TENM2: variants seen among roughly 807,000 people sequenced by gnomAD.
The protein encoded by TENM2 is teneurin transmembrane protein 2.
A neutral mutation model predicts 245.2 loss-of-function variants in TENM2; 52 were observed. The ratio of observed to expected loss-of-function variants is 0.21; its 90% CI spans 0.17 to 0.27. The LOEUF (loss-of-function observed/expected upper bound fraction) is 0.27, where lower values mean the gene tolerates loss of function less well. Among genes scored for constraint, TENM2 ranks in the 10% least tolerant of loss-of-function variants. The pLI is 1.00. For synonymous variants in TENM2, 1,363 were observed against 1,438.9 expected (o/e 0.95, Z 1.19); for missense variants, 3,046 against 3,666.8 (o/e 0.83, Z 4.37).
At chr5:167,552,919 TAATGAATGAATG>T (rs10657967) in intron 2 of TENM2, among the ~76,000 whole-genome samples, 2 of 150,564 alleles carry the variant, frequency 1.3e-5, no homozygotes, top group African/African-American at 4.9e-5. Flanking sequence ...GGTAAGTTAA[TAATGAATGAATG>T]AATGAATGAA....
chr5:168,216,980 C>CT, intron 22 of TENM2, 58 bp downstream of exon 24: 6 of 1,581,444 alleles, frequency 3.8e-6, no homozygotes, highest in Non-Finnish European at 5.2e-6. Context: ...GCCTGAGGTT[C>CT]TTACCTGTTT....
intron 7 of TENM2, among the ~76,000 whole-genome samples, chr5:168,065,853 G>T (rs1363555850): frequency 1.5e-5 from 2 of 132,024 alleles, no homozygotes; most frequent in East Asian, 3.9e-4. Flanking sequence ...AAAGAACAAA[G>T]GTTTTTTTTT....
intron 27 of TENM2, among the ~76,000 whole-genome samples, chr5:168,249,123 CAAAA>C (rs566693885): frequency 4.3e-5 from 5 of 116,556 alleles, no homozygotes; most frequent in Admixed American, 8.7e-5. Context: ...GACCCTGTCT[CAAAA>C]AAAAAAAAAA....
chr5:167,747,790 C>A (rs182390184), intron 2 of TENM2, among the ~76,000 whole-genome samples: 1 of 152,224 alleles, frequency 6.6e-6, no homozygotes, highest in Non-Finnish European at 1.5e-5. Context: ...AACAGGTAAT[C>A]TTATTTCTGA....
intron 5 of TENM2, among the ~76,000 whole-genome samples, chr5:168,018,667 T>A (rs1247335436): frequency 1.3e-5 from 2 of 152,172 alleles, no homozygotes; most frequent in Non-Finnish European, 2.9e-5. Flanking sequence ...TGGAAACTGA[T>A]GACTTTTTAG....
intron 10 of TENM2, among the ~76,000 whole-genome samples, chr5:168,122,868 T>C (rs997844434): frequency 6.6e-6 from 1 of 152,208 alleles, no homozygotes; most frequent in Non-Finnish European, 1.5e-5. Flanking sequence ...GGGCTGCCCT[T>C]TGGAAACTTC....
chr5:167,321,802 G>GTT (rs1756752998), intron 1 of TENM2, among the ~76,000 whole-genome samples: 1 of 3,316 alleles, frequency 3.0e-4, no homozygotes, highest in Non-Finnish European at 7.3e-4. Flanking sequence ...TTTTTTTTTT[G>GTT]GGGGGGGGGG....
chr5:167,942,983 G>C (rs1222272283), intron 3 of TENM2, among the ~76,000 whole-genome samples: 1 of 152,114 alleles, frequency 6.6e-6, no homozygotes, highest in Non-Finnish European at 1.5e-5. Flanking sequence ...GCAAAAAGGG[G>C]GTTCTGAAAA....
chr5:167,537,169 T>A (rs1771904340), intron 2 of TENM2, among the ~76,000 whole-genome samples: 1 of 145,254 alleles, frequency 6.9e-6, no homozygotes, highest in Non-Finnish European at 1.5e-5. Context: ...CATAGCACTT[T>A]GGGAGGCCGA....
At chr5:167,832,444 A>T (rs1279120471) in intron 2 of TENM2, among the ~76,000 whole-genome samples, 1 of 152,238 alleles carries the variant, frequency 6.6e-6, no homozygotes, top group Non-Finnish European at 1.5e-5. Flanking sequence ...TCCAGTTACA[A>T]GGAGTGTTCA....
the TENM2 span, among the ~76,000 whole-genome samples, chr5:167,005,953 C>A: frequency 1.3e-5 from 2 of 152,110 alleles, no homozygotes; most frequent in South Asian, 4.2e-4. Context: ...AGCCACCGTG[C>A]CTGGTGCTCA....
intron 1 of TENM2, among the ~76,000 whole-genome samples, chr5:167,343,443 C>T (rs1367725689): frequency 6.6e-6 from 1 of 152,158 alleles, no homozygotes; most frequent in African/African-American, 2.4e-5. Flanking sequence ...ATATCTCTCC[C>T]ATACAGTATG....
chr5:168,262,809 AACAAAATAATCTGCTGCCAT>A, exon 29 of TENM2: 1 of 1,594,722 alleles, frequency 6.3e-7, no homozygotes, highest in Non-Finnish European at 8.6e-7. Context: ...GGAAAGAGGT[AACAAAATAATCTGCTGCCAT>A]TCCTTGTCTG....
the TENM2 span, among the ~76,000 whole-genome samples, chr5:167,135,167 A>G: frequency 1.5e-4 from 23 of 152,100 alleles, no homozygotes; most frequent in Non-Finnish European, 2.5e-4. Flanking sequence ...TGTTTTTATT[A>G]TTGTTGTTAT....
chr5:167,478,584 T>G (rs1767549927), intron 2 of TENM2, among the ~76,000 whole-genome samples: 1 of 152,190 alleles, frequency 6.6e-6, no homozygotes, highest in Admixed American at 6.5e-5. Flanking sequence ...TCAGATGAAA[T>G]ACTTGTAACC....
chr5:167,454,477 CATGTGCACACGTGTGT>C (rs1322208092), intron 2 of TENM2, among the ~76,000 whole-genome samples: 5 of 111,022 alleles, frequency 4.5e-5, no homozygotes, highest in African/African-American at 1.3e-4. Flanking sequence ...TGTGTGTGTG[CATGTGCACACGTGTGT>C]ATGTGTCTGT....
intron 1 of TENM2, among the ~76,000 whole-genome samples, chr5:167,311,896 T>G (rs116665728): frequency 0.013 from 1,948 of 152,308 alleles, 46 homozygotes; most frequent in African/African-American, 0.045. Context: ...TGTAATGATA[T>G]TTTGTTAAAC....
At chr5:167,641,189 C>A (rs1036699488) in intron 2 of TENM2, among the ~76,000 whole-genome samples, 2 of 151,984 alleles carry the variant, frequency 1.3e-5, no homozygotes. Context: ...TATAGAAGTT[C>A]ATTGCAAAAC....
intron 2 of TENM2, among the ~76,000 whole-genome samples, chr5:167,615,833 C>G (rs1304622403): frequency 6.6e-6 from 1 of 152,072 alleles, no homozygotes; most frequent in East Asian, 1.9e-4. Context: ...CCAAAACCAG[C>G]TCCTCTTTAC....
Sources: gnomAD v4.1 joint callset for allele counts (sites outside exome capture counted in the v4.1 genomes callset) on GRCh38, gnomAD v4.1.1 for gene constraint, MANE v1.5 for transcripts, NCBI Gene and HGNC (gene_info 2026-07-23, HGNC 2026-07-21) for gene names.